The following BMPR1A variants were observed in gnomAD, a reference collection of about 807,000 sequenced individuals.
BMPR1A encodes bone morphogenetic protein receptor type 1A.
In BMPR1A, 7 loss-of-function variants were observed where a neutral mutation model predicts 66.0. The ratio of observed to expected loss-of-function variants is 0.11; its 90% CI spans 0.06 to 0.20. BMPR1A has a LOEUF of 0.20. Ranked by LOEUF, BMPR1A falls within the 10% of genes least tolerant of loss-of-function variation. The pLI is 1.00. For missense variants in BMPR1A, 408 were observed against 669.1 expected (o/e 0.61, Z 4.31); for synonymous variants, 200 against 229.7 (o/e 0.87, Z 1.17).
rs541484204 is a variant in BMPR1A at position 86,890,890 on chromosome 10, A to T, written c.230+666A>T. On this transcript the variant is annotated intron_variant, in intron 4 of 12. Transcript: ENST00000372037. ...TAGTGTATTTCGTGTTAGCTGCACAACATGTTTATATATGATCATGTAATT... is the reference window on the plus strand; with the variant it reads ...TAGTGTATTTCGTGTTAGCTGCACATCATGTTTATATATGATCATGTAATT... Among the ~76,000 whole-genome samples the T allele has an allele frequency of 1.4e-4, 21 of 152,328 alleles. No individual in the cohort carries two copies. In the East Asian group the frequency reaches 1.7e-3, roughly 13 times the overall value.
chr10:86,824,964 C>T (rs905706687), intron 1 of BMPR1A, among the ~76,000 whole-genome samples: 7 of 151,830 alleles, frequency 4.6e-5, no homozygotes, highest in African/African-American at 1.7e-4. Context: ...GAGTATGCAT[C>T]ATTAGGAAAT....
At chr10:86,929,109 T>A (rs1365243899), downstream of BMPR1A, 1 of 152,160 alleles carries the variant, frequency 6.6e-6, no homozygotes, top group Non-Finnish European at 1.5e-5. Context: ...TTGGATTATT[T>A]TCATTGTTTT....
rs190100057 is a variant in BMPR1A at position 86,758,497 on chromosome 10, G to A, written c.-268+1578G>A. Among the ~76,000 whole-genome samples, 95 of 151,278 alleles carry A rather than the reference G, an allele frequency of 6.3e-4. 1 individual carries two copies. In the South Asian group the frequency reaches 9.7e-3, roughly 15 times the overall value. ...TATTTGGGTTCTTTAAAGTACAAAT[G>A]TTCTTAAGATTTTTTCAGTTTACAA... is the stretch of plus-strand genomic sequence containing the variant. On this transcript the variant is annotated intron_variant, in intron 1 of 12. Coordinates refer to ENST00000372037, the MANE Select transcript of BMPR1A (RefSeq NM_004329.3).
intron 1 of BMPR1A, among the ~76,000 whole-genome samples, chr10:86,786,755 C>T (rs111566527): frequency 4.6e-5 from 7 of 152,300 alleles, no homozygotes; most frequent in African/African-American, 1.2e-4. Flanking sequence ...TATGTTCCAC[C>T]TGGATGTCTA....
At chr10:86,866,399 CTTTTTTTTTTTTTT>C (rs1048293127) in intron 2 of BMPR1A, among the ~76,000 whole-genome samples, 25 of 69,474 alleles carry the variant, frequency 3.6e-4, no homozygotes, top group Admixed American at 2.1e-3. Flanking sequence ...AAGTTTCTTT[CTTTTTTTTTTTTTT>C]TTTTTTTTTT....
intron 2 of BMPR1A, chr10:86,855,210 A>C (rs908774266): frequency 4.8e-6 from 4 of 837,920 alleles, no homozygotes; most frequent in Non-Finnish European, 6.8e-6. Context: ...TGCGTCGCTA[A>C]GTTTTTTAAC....
chr10:86,762,425 C>G (rs1287200142), intron 1 of BMPR1A, among the ~76,000 whole-genome samples: 2 of 152,148 alleles, frequency 1.3e-5, no homozygotes, highest in African/African-American at 2.4e-5. Context: ...GTGGTGCGAT[C>G]TGGGCTCACT....
chr10:86,931,250 A>AG (rs1481233340), downstream of BMPR1A: 1 of 98,342 alleles, frequency 1.0e-5, no homozygotes, highest in African/African-American at 6.5e-5. Flanking sequence ...CTCAAAAAAA[A>AG]AAAAAGAAAA....
At chr10:86,780,267 A>G (rs986097823) in intron 1 of BMPR1A, among the ~76,000 whole-genome samples, 1 of 152,046 alleles carries the variant, frequency 6.6e-6, no homozygotes, top group African/African-American at 2.4e-5. Flanking sequence ...TCTCTTCATG[A>G]TGTTAATGGG....
intron 1 of BMPR1A, among the ~76,000 whole-genome samples, chr10:86,798,037 TTATTTTGATA>T (rs1841749335): frequency 6.6e-6 from 1 of 152,212 alleles, no homozygotes; most frequent in Non-Finnish European, 1.5e-5. Context: ...TTGCTATTTA[TTATTTTGATA>T]TATTAATTGC....
intron 1 of BMPR1A, among the ~76,000 whole-genome samples, chr10:86,817,521 T>G (rs1296105234): frequency 6.6e-6 from 1 of 152,226 alleles, no homozygotes; most frequent in Admixed American, 6.5e-5. Flanking sequence ...CTTTCACATT[T>G]TAGCTGTTGT....
At chr10:86,805,377 T>TACACACACACAC (rs60828047) in intron 1 of BMPR1A, among the ~76,000 whole-genome samples, 17,812 of 142,748 alleles carry the variant, frequency 0.12, 1,173 homozygotes, top group East Asian at 0.22. Flanking sequence ...CTCCTACCTG[T>TACACACACACAC]ACACACACAC....
At chr10:86,797,053 T>G (rs1841723056) in intron 1 of BMPR1A, among the ~76,000 whole-genome samples, 1 of 140,404 alleles carries the variant, frequency 7.1e-6, no homozygotes, top group East Asian at 2.4e-4. Context: ...TTTTCCTTTC[T>G]TTTTCTTTTC....
intron 3 of BMPR1A, among the ~76,000 whole-genome samples, chr10:86,884,175 TG>T (rs1843032960): frequency 6.6e-6 from 1 of 151,856 alleles, no homozygotes. Flanking sequence ...GCCAGCCTGC[TG>T]GGTTCTTAAG....
chr10:86,844,896 C>T (rs757591451), intron 2 of BMPR1A, among the ~76,000 whole-genome samples: 10 of 152,190 alleles, frequency 6.6e-5, no homozygotes, highest in Non-Finnish European at 1.3e-4. Flanking sequence ...CCTGCCTCAG[C>T]CTCCCGAGAG....
Position 86,876,042 on chromosome 10 carries a change from C to T in BMPR1A, c.24C>T (p.Ile8=), listed in dbSNP as rs1554886810. Residue 8 remains isoleucine, a synonymous_variant, in exon 3 of 13, where the codon ATC becomes ATT. Transcript: ENST00000372037. ...CAATGCCTCAGCTATACATTTACAT[C>T]AGATTATTGGGAGCCTATTTGTTCA... MPQLYIY[I]RLLGAYLFII... 6.2e-7 allele frequency: 1 copy of T among 1,611,528 alleles called. No homozygotes were observed. Among genetic ancestry groups the T allele is most frequent in the Non-Finnish European group, 8.5e-7 (1 of 1,177,960 alleles).
intron 1 of BMPR1A, among the ~76,000 whole-genome samples, chr10:86,797,802 A>G (rs942975004): frequency 6.6e-6 from 1 of 152,182 alleles, no homozygotes; most frequent in South Asian, 2.1e-4. Context: ...GGTTCCCTGT[A>G]ATGTCAAGAA....
intron 2 of BMPR1A, chr10:86,856,007 A>G (rs764846742): frequency 8.0e-6 from 5 of 622,930 alleles, no homozygotes; most frequent in Non-Finnish European, 1.5e-5. Context: ...GAAAATCTGG[A>G]TGCCTCTCAC....
intron 3 of BMPR1A, among the ~76,000 whole-genome samples, chr10:86,884,305 T>G (rs181713855): frequency 6.6e-6 from 1 of 151,554 alleles, no homozygotes; most frequent in East Asian, 1.9e-4. Context: ...AGGCTGGTCT[T>G]GAACTCCTGA....
Sources: allele counts gnomAD v4.1 joint callset (sites outside exome capture counted in the v4.1 genomes callset), GRCh38; gene constraint gnomAD v4.1.1; transcripts MANE v1.5; gene names NCBI Gene and HGNC (gene_info 2026-07-23, HGNC 2026-07-21).